The following MYRIP variants were observed in gnomAD, a reference collection of about 807,000 sequenced individuals.
MYRIP encodes the protein myosin VIIA and Rab interacting protein, also known as rab effector MyRIP.
Under a neutral mutation model 98.0 loss-of-function variants are expected in MYRIP, and 49 were observed. That is an observed-to-expected ratio of 0.50 (90% confidence interval 0.40 to 0.63). The LOEUF (loss-of-function observed/expected upper bound fraction) is 0.63. Among genes scored for constraint, MYRIP ranks in the 30% least tolerant of loss-of-function variants. The pLI is 0.00. For synonymous variants in MYRIP, 404 were observed against 409.5 expected (o/e 0.99, Z 0.16); for missense variants, 1,004 against 1,058.2 (o/e 0.95, Z 0.71).
chr3:40,173,900 A>T (rs968297671), intron 8 of MYRIP: 4 of 152,230 alleles, frequency 2.6e-5, no homozygotes, highest in African/African-American at 7.2e-5. Flanking sequence ...CATCAATGTA[A>T]AGAGAACTTA....
intron 11 of MYRIP, among the ~76,000 whole-genome samples, chr3:40,220,662 A>C (rs1952309270): frequency 6.6e-6 from 1 of 152,186 alleles, no homozygotes; most frequent in Admixed American, 6.5e-5. Context: ...AGACTGGGTA[A>C]TTTATAAAGA....
chr3:39,816,150 C>T (rs1425037251), intron 1 of MYRIP, among the ~76,000 whole-genome samples: 1 of 151,048 alleles, frequency 6.6e-6, no homozygotes, highest in African/African-American at 2.4e-5. Flanking sequence ...GGTGCAATCT[C>T]GGCTCACTGC....
At chr3:40,166,502 C>A (rs1197862224) in intron 5 of MYRIP, among the ~76,000 whole-genome samples, 1 of 151,244 alleles carries the variant, frequency 6.6e-6, no homozygotes, top group African/African-American at 2.5e-5. Context: ...CAGCCAAGGG[C>A]GGGGCTGAAG....
intron 1 of MYRIP, among the ~76,000 whole-genome samples, chr3:39,825,004 C>G (rs1342871191): frequency 2.0e-5 from 3 of 152,302 alleles, no homozygotes; most frequent in Non-Finnish European, 4.4e-5. Context: ...AGGCATTGAG[C>G]CACTGTGCCC....
chr3:40,154,399 G>A lies in MYRIP; in HGVS notation c.469+3215G>A, dbSNP rs559425955. ...TGTGCCCATCTGGCTTAAGAGTTGGGGGTGATGAAATGAGCAAGACCCTGC... is the reference window on the plus strand; with the variant it reads ...TGTGCCCATCTGGCTTAAGAGTTGGAGGTGATGAAATGAGCAAGACCCTGC... On this transcript the variant is annotated intron_variant, in intron 4 of 16. Transcript: ENST00000302541. 6.0e-4 allele frequency among the ~76,000 whole-genome samples: 91 copies of A among 152,224 alleles called. 1 individual carries two copies. The highest frequency in any genetic ancestry group is 2.1e-3 in the African/African-American group (87 of 41,532).
chr3:39,944,501 G>A (rs1464399747), intron 2 of MYRIP, among the ~76,000 whole-genome samples: 1 of 152,016 alleles, frequency 6.6e-6, no homozygotes, highest in Non-Finnish European at 1.5e-5. Context: ...GGGAGAGAGG[G>A]GAGGAGAAAG....
intron 1 of MYRIP, among the ~76,000 whole-genome samples, chr3:39,859,743 A>AC (rs1942410310): frequency 6.6e-6 from 1 of 152,240 alleles, no homozygotes; most frequent in Non-Finnish European, 1.5e-5. Flanking sequence ...AGGTTATGCA[A>AC]ACACATTAAC....
chr3:39,959,054 T>C (rs1448270247), intron 2 of MYRIP, among the ~76,000 whole-genome samples: 4 of 152,098 alleles, frequency 2.6e-5, no homozygotes, highest in Non-Finnish European at 4.4e-5. Flanking sequence ...TGTGGAGAAA[T>C]AGGAACACTT....
chr3:39,889,005 C>T (rs959160022), intron 1 of MYRIP, among the ~76,000 whole-genome samples: 59 of 152,188 alleles, frequency 3.9e-4, no homozygotes, highest in Non-Finnish European at 6.6e-4. Flanking sequence ...GTTATAATGG[C>T]GATCATTAAA....
chr3:40,197,459 G>C (rs1425680571), intron 10 of MYRIP, among the ~76,000 whole-genome samples: 1 of 152,138 alleles, frequency 6.6e-6, no homozygotes, highest in Non-Finnish European at 1.5e-5. Flanking sequence ...CCAACCCCCT[G>C]ATGGACATAG....
chr3:39,816,055 T>C (rs981739676), intron 1 of MYRIP, among the ~76,000 whole-genome samples: 7 of 151,674 alleles, frequency 4.6e-5, no homozygotes, highest in Non-Finnish European at 2.9e-5. Flanking sequence ...TATTTTAATA[T>C]TGAATTTGCC....
intron 1 of MYRIP, among the ~76,000 whole-genome samples, chr3:39,863,234 A>G (rs1942522196): frequency 6.6e-6 from 1 of 152,076 alleles, no homozygotes; most frequent in African/African-American, 2.4e-5. Context: ...CAAGCTTACC[A>G]TACCTAGAGA....
At chr3:40,180,803 G>A (rs1052656790) in intron 8 of MYRIP, among the ~76,000 whole-genome samples, 4 of 152,164 alleles carry the variant, frequency 2.6e-5, no homozygotes, top group African/African-American at 9.7e-5. Flanking sequence ...GTTTCGTGGG[G>A]AAAGTAGAGG....
chr3:39,859,110 G>GAA lies in MYRIP; in HGVS notation c.-30-41663_-30-41662dup, dbSNP rs3062463. On this transcript the variant is annotated intron_variant, in intron 1 of 16. Transcript: ENST00000302541. ...ACCAATGAAACTGAGTTGGTTTTTT[G>GAA]AAAAAAAAAAAAAAATAGACAAACC... Among the ~76,000 whole-genome samples, 527 of 132,380 alleles carry GAA rather than the reference G, an allele frequency of 4.0e-3. 19 individuals carry two copies. The highest frequency in any genetic ancestry group is 2.9e-3 in the African/African-American group (105 of 36,450). 86.8% of individuals were successfully genotyped at this position (132,380 alleles called of 152,430 possible).
intron 2 of MYRIP, among the ~76,000 whole-genome samples, chr3:40,028,835 C>A (rs913895517): frequency 2.6e-5 from 4 of 152,108 alleles, no homozygotes; most frequent in African/African-American, 9.7e-5. Context: ...TACTACAGGG[C>A]AATATAATCT....
intron 10 of MYRIP, among the ~76,000 whole-genome samples, chr3:40,190,695 G>A (rs1475179493): frequency 2.0e-5 from 3 of 152,120 alleles, no homozygotes; most frequent in Admixed American, 6.5e-5. Flanking sequence ...TGTGAGTGTG[G>A]CCCCCAGACC....
intron 11 of MYRIP, among the ~76,000 whole-genome samples, chr3:40,211,876 GA>G (rs1951940245): frequency 6.6e-6 from 1 of 151,806 alleles, no homozygotes; most frequent in Non-Finnish European, 1.5e-5. Flanking sequence ...GAGAAAGGAG[GA>G]GCTACTGGGG....
chr3:39,983,867 T>A (rs1945955135), intron 2 of MYRIP, among the ~76,000 whole-genome samples: 1 of 152,204 alleles, frequency 6.6e-6, no homozygotes, highest in Non-Finnish European at 1.5e-5. Flanking sequence ...AAATTAGGTG[T>A]CAGGAAATAA....
chr3:39,863,525 T>C (rs2125621157), intron 1 of MYRIP, among the ~76,000 whole-genome samples: 1 of 152,122 alleles, frequency 6.6e-6, no homozygotes, highest in Middle Eastern at 3.4e-3. Flanking sequence ...GAGGCTACTA[T>C]GAACACTTAC....
Sources: gnomAD v4.1 joint callset for allele counts (sites outside exome capture counted in the v4.1 genomes callset) on GRCh38, gnomAD v4.1.1 for gene constraint, MANE v1.5 for transcripts, NCBI Gene and HGNC (gene_info 2026-07-23, HGNC 2026-07-21) for gene names.